GRAMD1B: variants seen among roughly 807,000 people sequenced by gnomAD.
GRAMD1B encodes protein Aster-B.
In GRAMD1B, 37 loss-of-function variants were observed where a neutral mutation model predicts 99.7. That is an observed-to-expected ratio of 0.37 (90% confidence interval 0.29 to 0.49). The LOEUF is 0.49. GRAMD1B is among the 20% of genes least tolerant of loss of function. The pLI, the probability that GRAMD1B is intolerant of heterozygous loss-of-function variation, is 0.98. For synonymous variants in GRAMD1B, 427 were observed against 387.6 expected, an observed-to-expected ratio of 1.10 and a Z score of -1.19; for missense variants, 888 against 1,009.2, an observed-to-expected ratio of 0.88 and a Z score of 1.63.
intron 2 of GRAMD1B, among the ~76,000 whole-genome samples, chr11:123,513,597 C>T (rs12421335): frequency 0.015 from 659 of 44,710 alleles, 12 homozygotes; most frequent in African/African-American, 0.041. Flanking sequence ...TTCCTTCCTT[C>T]CTTCCTTCCT....
chr11:123,564,239 T>C (rs867912420), intron 2 of GRAMD1B, among the ~76,000 whole-genome samples: 2 of 152,246 alleles, frequency 1.3e-5, no homozygotes, highest in African/African-American at 4.8e-5. Context: ...CTGAGTTAAC[T>C]GTGGGCCCAG....
intron 1 of GRAMD1B, among the ~76,000 whole-genome samples, chr11:123,360,262 T>A (rs886530492): frequency 9.2e-5 from 14 of 152,244 alleles, no homozygotes; most frequent in Non-Finnish European, 1.9e-4. Context: ...CTCCTGCCTT[T>A]GTTCCTTACT....
At chr11:123,378,007 G>C (rs1002355086) in intron 1 of GRAMD1B, among the ~76,000 whole-genome samples, 1 of 152,170 alleles carries the variant, frequency 6.6e-6, no homozygotes, top group Admixed American at 6.5e-5. Flanking sequence ...TGTTAGCATA[G>C]GTATATTTCT....
In GRAMD1B at chr11:123,624,441, G is replaced by A. The variant is rs1397563117; in HGVS notation, c.*1846G>A. 1 of 152,252 alleles carries A rather than the reference G, an allele frequency of 6.6e-6. No individual in the cohort carries two copies. The highest frequency in any genetic ancestry group is 1.5e-5 in the Non-Finnish European group (1 of 68,040). The allele number at this position is 152,252 out of a possible 1,614,324, so 9.4% of individuals were successfully genotyped here. A position where few individuals can be genotyped will look rare whatever the true frequency, so the allele number is the denominator to read the frequency against. On this transcript the variant is annotated 3_prime_UTR_variant, in exon 20 of 20. Transcript: ENST00000635736. Reference sequence around the variant, plus strand: ...TGATCCTCCAAGGGAGGAGGGTGAGGAGGCTCCAGGGCATGAGCTAGAGTG... The same window carrying A: ...TGATCCTCCAAGGGAGGAGGGTGAGAAGGCTCCAGGGCATGAGCTAGAGTG...
intron 1 of GRAMD1B, among the ~76,000 whole-genome samples, chr11:123,444,453 C>T (rs562806074): frequency 6.6e-6 from 1 of 152,032 alleles, no homozygotes; most frequent in African/African-American, 2.4e-5. Context: ...GACTGCACCA[C>T]TGCACTCTAG....
chr11:123,431,469 A>G (rs1948885418), intron 1 of GRAMD1B, among the ~76,000 whole-genome samples: 1 of 152,198 alleles, frequency 6.6e-6, no homozygotes, highest in African/African-American at 2.4e-5. Flanking sequence ...AATAACAGCT[A>G]ATAGTTATTG....
rs751714219 is a variant in GRAMD1B, at chr11:123,609,926, G to T, written c.1776+13G>T. 3 of 1,388,702 alleles carry T rather than the reference G, an allele frequency of 2.2e-6. No homozygotes were observed. The highest frequency in any genetic ancestry group is 1.9e-5 in the Admixed American group (1 of 53,222). The allele number at this position is 1,388,702 out of a possible 1,614,324, so 86.0% of individuals were successfully genotyped here. A position where few individuals can be genotyped will look rare whatever the true frequency, so the allele number is the denominator to read the frequency against. ...CAGGGAGACACAGGTGAGCAGAGCC[G>T]CGGATGCACAGAAGAGCGAGCTGGA... On this transcript the variant is annotated intron_variant, in intron 13 of 19. Coordinates refer to ENST00000635736, the MANE Select transcript of GRAMD1B (RefSeq NM_001387025.1).
intron 2 of GRAMD1B, among the ~76,000 whole-genome samples, chr11:123,531,771 T>C (rs1348272323): frequency 1.3e-5 from 2 of 148,724 alleles, no homozygotes. Context: ...GTTTTGCTCT[T>C]ATTGCCCAGA....
In GRAMD1B at chr11:123,591,876, A is replaced by G. The variant is rs1767345306; in HGVS notation, c.685-2206A>G. Among the ~76,000 whole-genome samples the G allele has an allele frequency of 6.6e-6, 1 of 152,112 alleles. No individual in the cohort carries two copies. The highest frequency in any genetic ancestry group is 2.4e-5 in the African/African-American group (1 of 41,422). The stretch of plus-strand genomic sequence containing the variant: ...GGCTGACTTAGCAGGCCAGGGCTGG[A>G]TTCACTCTCCCCTCTCCCTGCCACT... On this transcript the variant is annotated intron_variant, in intron 4 of 19. Coordinates refer to ENST00000635736, the MANE Select transcript of GRAMD1B (RefSeq NM_001387025.1). This position sits in a 1 kb window ranked among gnomAD's most constrained non-coding sequence, Gnocchi z 4.7.
At chr11:123,566,504 C>A (rs1382987994) in intron 2 of GRAMD1B, among the ~76,000 whole-genome samples, 1 of 152,152 alleles carries the variant, frequency 6.6e-6, no homozygotes, top group Non-Finnish European at 1.5e-5. Flanking sequence ...CGGTGGCTCA[C>A]GCCTGTAATC....
intron 19 of GRAMD1B, among the ~76,000 whole-genome samples, chr11:123,621,563 G>A (rs1955112312): frequency 6.6e-6 from 1 of 152,232 alleles, no homozygotes; most frequent in African/African-American, 2.4e-5. Context: ...CCATGAAGGA[G>A]AGGGATGACT....
At chr11:123,506,607 G>A (rs4936811) in intron 2 of GRAMD1B, among the ~76,000 whole-genome samples, 11,223 of 152,136 alleles carry the variant, frequency 0.074, 532 homozygotes, top group African/African-American at 0.13. Flanking sequence ...CTGGTCTCTA[G>A]TTCAAAAAGC....
chr11:123,449,129 C>T (rs1181679549), intron 1 of GRAMD1B, among the ~76,000 whole-genome samples: 1 of 152,240 alleles, frequency 6.6e-6, no homozygotes, highest in Non-Finnish European at 1.5e-5. Context: ...TTTAGTTAGC[C>T]TTTCCTCTAG....
chr11:123,539,060 C>G (rs1458188821), intron 2 of GRAMD1B, among the ~76,000 whole-genome samples: 1 of 152,020 alleles, frequency 6.6e-6, no homozygotes, highest in Non-Finnish European at 1.5e-5. Context: ...TGTATAATCT[C>G]TTAATTTTTA....
chr11:123,463,351 C>T (rs1465170298), intron 1 of GRAMD1B, among the ~76,000 whole-genome samples: 2 of 152,230 alleles, frequency 1.3e-5, no homozygotes, highest in Non-Finnish European at 2.9e-5. Context: ...AGAGTGTATA[C>T]ACTTCTTATT....
chr11:123,434,157 G>T (rs1949045694), intron 1 of GRAMD1B, among the ~76,000 whole-genome samples: 1 of 147,260 alleles, frequency 6.8e-6, no homozygotes, highest in Non-Finnish European at 1.5e-5. Flanking sequence ...TTGAACCTAG[G>T]AGGTGGAGGT....
intron 2 of GRAMD1B, among the ~76,000 whole-genome samples, chr11:123,523,007 T>A (rs530550549): frequency 6.6e-6 from 1 of 152,330 alleles, no homozygotes; most frequent in Non-Finnish European, 1.5e-5. Context: ...GGCTTGCAGC[T>A]TGCTAGCTGT....
rs576861664 is a variant in GRAMD1B, at chr11:123,577,409, C to T, written c.495C>T (p.Pro165=). The T allele has an allele frequency of 3.8e-6, 6 of 1,598,228 alleles. No homozygotes were observed. The South Asian group carries it at 5.7e-5, about 15-fold the overall frequency. ...ACCGCAGCACGCCGGCCTGCTCGCC[C>T]ATCCTCCGGAAGCGGTCTCGCTCGC... ...NSNRSTPACS[P]ILRKRSRSPT... Residue 165 remains proline (P), a synonymous_variant, in exon 3 of 20, where the codon CCC becomes CCT. Coordinates refer to ENST00000635736, the MANE Select transcript of GRAMD1B (RefSeq NM_001387025.1).
At chr11:123,451,377 C>G (rs1949880072) in intron 1 of GRAMD1B, among the ~76,000 whole-genome samples, 2 of 152,092 alleles carry the variant, frequency 1.3e-5, no homozygotes, top group South Asian at 2.1e-4. Flanking sequence ...CTGAAATATG[C>G]CCACATCCAT....
Sources: allele counts gnomAD v4.1 joint callset (sites outside exome capture counted in the v4.1 genomes callset), GRCh38; gene constraint gnomAD v4.1.1; non-coding constraint Gnocchi (gnomAD v3.1); transcripts MANE v1.5; gene names NCBI Gene and HGNC (gene_info 2026-07-23, HGNC 2026-07-21).